The following H6PD variants were observed in gnomAD, a reference collection of about 807,000 sequenced individuals.
H6PD encodes the protein hexose-6-phosphate dehydrogenase/glucose 1-dehydrogenase.
H6PD carries 48 observed loss-of-function variants against 61.2 expected under a neutral mutation model. That is an observed-to-expected ratio of 0.78 (90% confidence interval 0.62 to 1.00). The LOEUF is 1.00. H6PD is among the 50% of genes least tolerant of loss of function. The pLI is 0.00. For synonymous variants in H6PD, 480 were observed against 457.9 expected (o/e 1.05, Z -0.62); for missense variants, 1,093 against 1,065.0 (o/e 1.03, Z -0.37).
rs746398496 is a variant in H6PD at position 9,245,064 on chromosome 1, C to A, written c.130C>A (p.Gln44Lys). 6.2e-7 allele frequency: 1 copy of A among 1,614,090 alleles called. No individual in the cohort carries two copies. The highest frequency in any genetic ancestry group is 8.5e-7 in the Non-Finnish European group (1 of 1,180,026). ...GGACCTGGCTAAGAAGTACTTATGG[C>A]AGGGACTGTTCCAGCTGTACCTGGA... is the stretch of plus-strand genomic sequence containing the variant. ...TGDLAKKYLWQGLFQLYLDEA... is the reference protein window; with the variant it reads ...TGDLAKKYLWKGLFQLYLDEA... The change falls in exon 2 of 5, where the codon CAG becomes AAG. Residue 44 changes from glutamine to lysine, a missense_variant. By Grantham distance (53) the Gln-to-Lys change is moderately conservative. Transcript: ENST00000377403. The surrounding 1 kb of genome is among the most constrained non-coding windows in gnomAD (Gnocchi z 4.8).
At position 9,242,837 on chromosome 1, in the gene H6PD, T is replaced by C. The variant is rs796214864; in HGVS notation, c.-10-2088T>C. Reference sequence around the variant, plus strand: ...GTTCTCTGGGCTTCAGATTTCTTGCTGCCTCTCTCCTGCACTGACCTTGCA... The same window carrying C: ...GTTCTCTGGGCTTCAGATTTCTTGCCGCCTCTCTCCTGCACTGACCTTGCA... On this transcript the variant is annotated intron_variant, in intron 1 of 4. Transcript: ENST00000377403. 26 of 985,482 alleles carry C rather than the reference T, an allele frequency of 2.6e-5. No homozygotes were observed. The African/African-American group carries it at 4.5e-4, about 17-fold the overall frequency. 61.0% of individuals were successfully genotyped at this position (985,482 alleles called of 1,614,324 possible). A position where few individuals can be genotyped will look rare whatever the true frequency, so the allele number is the denominator to read the frequency against.
At chr1:9,248,157 G>A (rs1314738849) in intron 3 of H6PD, among the ~76,000 whole-genome samples, 1 of 152,200 alleles carries the variant, frequency 6.6e-6, no homozygotes, top group South Asian at 2.1e-4. Context: ...CAGCTGCAGC[G>A]GGAGCACCCG....
At position 9,245,296 on chromosome 1, in the gene H6PD, A is replaced by G. The variant is rs1376223467; in HGVS notation, c.362A>G (p.Asn121Ser). ...LKTAEDYQAL[N>S]KDIEAQLQHA... ...ACGGCCGAGGACTATCAGGCCCTGAACAAGGACATCGAGGCACAGCTCCAG... is the reference window on the plus strand; with the variant it reads ...ACGGCCGAGGACTATCAGGCCCTGAGCAAGGACATCGAGGCACAGCTCCAG... The change falls in exon 2 of 5, where the codon AAC becomes AGC. Residue 121 changes from asparagine to serine, a missense_variant. Coordinates refer to ENST00000377403, the MANE Select transcript of H6PD (RefSeq NM_004285.4). This position sits in a 1 kb window ranked among gnomAD's most constrained non-coding sequence, Gnocchi z 4.8. 1.9e-6 allele frequency: 3 copies of G among 1,614,252 alleles called. No homozygotes were observed. The highest frequency in any genetic ancestry group is 2.5e-6 in the Non-Finnish European group (3 of 1,180,052).
rs570041130 is a variant in H6PD at position 9,262,307 on chromosome 1, A to G, written c.994A>G (p.Ser332Gly). 7.5e-6 allele frequency: 12 copies of G among 1,606,848 alleles called. No individual in the cohort carries two copies. The African/African-American group carries it at 1.5e-4, about 20-fold the overall frequency. ...GCTGCAGAAGCCAGACAGCTTCCACAGCCTGACGCCGACCTTCGCAGGTGG... is the reference window on the plus strand; with the variant it reads ...GCTGCAGAAGCCAGACAGCTTCCACGGCCTGACGCCGACCTTCGCAGGTGG... ...RELQKPDSFH[S>G]LTPTFAAVLV... Residue 332 changes from serine to glycine, a missense_variant, in exon 4 of 5, where the codon AGC becomes GGC. By Grantham distance (56) the Ser-to-Gly change is moderately conservative (BLOSUM62 0). Transcript: ENST00000377403.
intron 3 of H6PD, among the ~76,000 whole-genome samples, chr1:9,253,754 C>T (rs1409991908): frequency 1.3e-5 from 2 of 152,216 alleles, no homozygotes; most frequent in Admixed American, 6.5e-5. Flanking sequence ...GAATGAAAAC[C>T]ATCACTGCAT....
chr1:9,263,437 G>A (rs1021351055), intron 4 of H6PD, 72 bp from the exon 5 acceptor site: 1 of 1,477,404 alleles, frequency 6.8e-7, no homozygotes, highest in African/African-American at 1.4e-5. Context: ...GAGCCGGCAA[G>A]GAGAGGAGAG....
chr1:9,261,945 G>A (rs1428766359), intron 3 of H6PD, 114 bp from the exon 4 acceptor site: 1 of 1,060,304 alleles, frequency 9.4e-7, no homozygotes. Flanking sequence ...CCTGTGGACT[G>A]GGGGAAGAGG....
At chr1:9,251,473 TAGAA>T (rs1450763577) in intron 3 of H6PD, among the ~76,000 whole-genome samples, 3 of 146,674 alleles carry the variant, frequency 2.0e-5, no homozygotes, top group Non-Finnish European at 3.0e-5. Context: ...TTGTTGTTGT[TAGAA>T]AGAAGGAGGG....
intron 3 of H6PD, among the ~76,000 whole-genome samples, chr1:9,253,061 C>T (rs1037728540): frequency 3.9e-5 from 6 of 152,204 alleles, no homozygotes; most frequent in African/African-American, 1.4e-4. Context: ...AGATCAACAT[C>T]AGCAGGAGGG....
chr1:9,242,672 T>C (rs1312420692), intron 1 of H6PD: 5 of 985,314 alleles, frequency 5.1e-6, no homozygotes, highest in African/African-American at 1.7e-5. Flanking sequence ...CCCTTGGGGC[T>C]CCCCCACCTG....
chr1:9,269,983 T>C lies in H6PD; in HGVS notation c.*5114T>C, dbSNP rs1638697137. 1 of 152,622 alleles carries C rather than the reference T, an allele frequency of 6.6e-6. No homozygotes were observed. Among genetic ancestry groups the C allele is most frequent in the South Asian group, 2.1e-4 (1 of 4,830 alleles). The allele number at this position is 152,622 out of a possible 1,614,324, so 9.5% of individuals were successfully genotyped here. ...ATGCTGTCATCAGCACAAGACGGGA[T>C]GGCAAGGGCTTTCAGACGCATTTCC... On this transcript the variant is annotated 3_prime_UTR_variant, in exon 5 of 5. Transcript: ENST00000377403. The surrounding 1 kb of genome is among the most constrained non-coding windows in gnomAD (Gnocchi z 4.3).
Position 9,264,259 on chromosome 1 carries a change from T to C in H6PD, c.1766T>C (p.Leu589Pro), listed in dbSNP as rs1417660645. ...CGCTTTGGCCAGTTCCACCTGGCAC[T>C]GTCGGGGGGCTCGAGCCCCGTGGCC... ...VRRFGQFHLA[L>P]SGGSSPVALF... Residue 589 changes from leucine (L) to proline (P), a missense_variant, in exon 5 of 5, where the codon CTG becomes CCG. Coordinates refer to ENST00000377403, the MANE Select transcript of H6PD (RefSeq NM_004285.4). 4 of 1,610,036 alleles carry C rather than the reference T, an allele frequency of 2.5e-6. No individual in the cohort carries two copies. Among genetic ancestry groups the C allele is most frequent in the East Asian group, 2.2e-5 (1 of 44,810 alleles).
Position 9,262,191 on chromosome 1 carries a change from A to C in H6PD, c.878A>C (p.Lys293Thr), listed in dbSNP as rs1476108133. 1 of 1,614,104 alleles carries C rather than the reference A, an allele frequency of 6.2e-7. No individual in the cohort carries two copies. The highest frequency in any genetic ancestry group is 1.3e-5 in the African/African-American group (1 of 74,950). The change falls in exon 4 of 5, where the codon AAG becomes ACG. Residue 293 changes from lysine (K) to threonine (T), a missense_variant. By Grantham distance (78) the Lys-to-Thr change is moderately conservative. Coordinates refer to ENST00000377403, the MANE Select transcript of H6PD (RefSeq NM_004285.4). Reference protein sequence around the residue: ...VSSAEAVLRHKLQVFQALRGL... With the variant: ...VSSAEAVLRHTLQVFQALRGL... ...AGTGCGGAGGCTGTGCTGCGGCACA[A>C]GCTTCAGGTCTTCCAGGCGCTGCGG...
rs368172161 is a variant in H6PD, at chr1:9,247,102, G to C, written c.745+19G>C. 1.4e-6 allele frequency: 2 copies of C among 1,474,354 alleles called. No individual in the cohort carries two copies. Among genetic ancestry groups the C allele is most frequent in the African/African-American group, 2.8e-5 (2 of 72,332 alleles). 91.3% of individuals were successfully genotyped at this position (1,474,354 alleles called of 1,614,324 possible). A position where few individuals can be genotyped will look rare whatever the true frequency, so the allele number is the denominator to read the frequency against. ...GCTGAAGGTGTGTGAGTGGCCCTGC[G>C]CACTCGGTCCCCCAGCCTCTGCCTG... On this transcript the variant is annotated intron_variant, in intron 3 of 4. Transcript: ENST00000377403.
chr1:9,253,815 G>A (rs745801935), intron 3 of H6PD, among the ~76,000 whole-genome samples: 7 of 152,154 alleles, frequency 4.6e-5, no homozygotes, highest in Non-Finnish European at 8.8e-5. Context: ...TTTCAAATGG[G>A]AACAGTGCTC....
rs892002152 is a variant in H6PD, at chr1:9,265,287, G to C, written c.*418G>C. 2.8e-6 allele frequency: 1 copy of C among 352,432 alleles called. No homozygotes were observed. The highest frequency in any genetic ancestry group is 5.5e-6 in the Non-Finnish European group (1 of 181,140). 21.8% of individuals were successfully genotyped at this position (352,432 alleles called of 1,614,324 possible). A position where few individuals can be genotyped will look rare whatever the true frequency, so the allele number is the denominator to read the frequency against. ...GAGGTGATCCTTGAACTGGCTCCCG[G>C]GGAACATTCAGAGCATGATTGGTAG... On this transcript the variant is annotated 3_prime_UTR_variant, in exon 5 of 5. Transcript: ENST00000377403.
chr1:9,258,678 G>A (rs1037989543), intron 3 of H6PD, among the ~76,000 whole-genome samples: 2 of 152,090 alleles, frequency 1.3e-5, no homozygotes, highest in Non-Finnish European at 2.9e-5. Flanking sequence ...TTGTTACGCT[G>A]GTGTTACATT....
At chr1:9,263,179 C>T (rs1377668469) in intron 4 of H6PD, among the ~76,000 whole-genome samples, 4 of 152,206 alleles carry the variant, frequency 2.6e-5, no homozygotes, top group South Asian at 4.1e-4. Context: ...GTCCCCCACC[C>T]CACTTGCCCC....
intron 3 of H6PD, among the ~76,000 whole-genome samples, chr1:9,248,317 C>T (rs1442402649): frequency 2.6e-5 from 4 of 152,174 alleles, no homozygotes; most frequent in Admixed American, 1.3e-4. Flanking sequence ...TTTCCCCCGC[C>T]CCTTGGTTTC....
Sources: allele counts gnomAD v4.1 joint callset (sites outside exome capture counted in the v4.1 genomes callset), GRCh38; gene constraint gnomAD v4.1.1; non-coding constraint Gnocchi (gnomAD v3.1); transcripts MANE v1.5; gene names NCBI Gene and HGNC (gene_info 2026-07-23, HGNC 2026-07-21).